The following NECAP1 variants were observed in gnomAD, a reference collection of about 807,000 sequenced individuals.
NECAP1 encodes the protein NECAP endocytosis associated 1.
NECAP1 carries 13 observed loss-of-function variants against 33.4 expected under a neutral mutation model. That is an observed-to-expected ratio of 0.39 (90% CI 0.25 to 0.62). NECAP1 has a LOEUF of 0.62. Ranked by LOEUF, NECAP1 falls within the 20% of genes least tolerant of loss-of-function variation. The pLI is 0.52. For missense variants in NECAP1, 272 were observed against 347.4 expected, an observed-to-expected ratio of 0.78 and a Z score of 1.73; for synonymous variants, 109 against 125.2, an observed-to-expected ratio of 0.87 and a Z score of 0.86.
At position 8,082,301 on chromosome 12, in the gene NECAP1, T is replaced by C. The variant is rs780897889; in HGVS notation, c.13T>C (p.Leu5=). Residue 5 remains leucine, a synonymous_variant, in exon 1 of 8, where the codon TTG becomes CTG. Transcript: ENST00000339754. MATE[L]EYESVLCVKP... ...CAGCGGACCCAAGATGGCGACCGAGTTGGAGTACGAGTCTGTGCTGTGTGT... is the reference window on the plus strand; with the variant it reads ...CAGCGGACCCAAGATGGCGACCGAGCTGGAGTACGAGTCTGTGCTGTGTGT... The C allele has an allele frequency of 4.3e-5, 68 of 1,596,240 alleles. 1 individual carries two copies. The highest frequency in any genetic ancestry group is 5.5e-5 in the Non-Finnish European group (64 of 1,165,226).
chr12:8,092,020 A>G (rs1565644826), intron 4 of NECAP1, 170 bp downstream of exon 4: 1 of 619,588 alleles, frequency 1.6e-6, no homozygotes, highest in Non-Finnish European at 2.8e-6. Flanking sequence ...CTTTGTATCT[A>G]TTCTGTTTCC....
chr12:8,082,369 C>T lies in NECAP1; in HGVS notation c.81C>T (p.Ser27=), dbSNP rs752649729. The change falls in exon 1 of 8, where the codon TCC becomes TCT. Residue 27 remains serine (S), a synonymous_variant. Coordinates refer to ENST00000339754, the MANE Select transcript of NECAP1 (RefSeq NM_015509.4). ...VSVYRIPPRA[S]NRGYRASDWK... is the part of the protein sequence containing the mutation. Reference sequence around the variant, plus strand: ...TCTACCGGATTCCGCCCCGGGCCTCCAACCGCGGTTACAGGTACTAACCCC... The same window carrying T: ...TCTACCGGATTCCGCCCCGGGCCTCTAACCGCGGTTACAGGTACTAACCCC... The T allele has an allele frequency of 1.2e-6, 2 of 1,613,736 alleles. No homozygotes were observed. Among genetic ancestry groups the T allele is most frequent in the Non-Finnish European group, 1.7e-6 (2 of 1,179,664 alleles).
intron 4 of NECAP1, 168 bp from the exon 5 acceptor site, chr12:8,092,508 C>T (rs1032629723): frequency 8.8e-6 from 5 of 571,144 alleles, no homozygotes; most frequent in Non-Finnish European, 1.5e-5. Flanking sequence ...GGAATTGAAC[C>T]CCAGTTGTTT....
chr12:8,089,750 T>C (rs1947524950), intron 1 of NECAP1, 186 bp from the exon 2 acceptor site: 1 of 562,246 alleles, frequency 1.8e-6, no homozygotes, highest in African/African-American at 1.9e-5. Flanking sequence ...AGTAGCATTG[T>C]CTTTTACTTG....
chr12:8,089,723 C>G (rs1276599032), intron 1 of NECAP1: 1 of 518,058 alleles, frequency 1.9e-6, no homozygotes, highest in Non-Finnish European at 3.4e-6. Context: ...GCTTATTGGA[C>G]TCCAAAGTCC....
In NECAP1 at chr12:8,090,048, G is replaced by A. The variant is rs371530521; in HGVS notation, c.196+12G>A. ...GGATAAAGTTTCAGGTAATCTTTGC[G>A]GGTGACCCTCTAACATTAAGAATAT... On this transcript the variant is annotated intron_variant, in intron 2 of 7. Coordinates refer to ENST00000339754, the MANE Select transcript of NECAP1 (RefSeq NM_015509.4). 7.7e-5 allele frequency: 124 copies of A among 1,606,094 alleles called. No homozygotes were observed. Among genetic ancestry groups the A allele is most frequent in the Non-Finnish European group, 9.2e-5 (108 of 1,172,936 alleles).
intron 1 of NECAP1, chr12:8,082,734 C>A: frequency 3.9e-6 from 1 of 253,516 alleles, no homozygotes; most frequent in Non-Finnish European, 8.0e-6. Flanking sequence ...TCCCTGCGTC[C>A]TTCAGCTTAT....
In NECAP1 at chr12:8,083,311, C is replaced by T. The variant is rs187923720; in HGVS notation, c.95+928C>T. Among the ~76,000 whole-genome samples the T allele has an allele frequency of 2.0e-4, 30 of 150,880 alleles. 1 individual carries two copies. In the East Asian group the frequency reaches 4.7e-3, roughly 23 times the overall value. ...ACCTGTTAGTGATGATACCTGCGCT[C>T]TTATAATGTGCTTAACAAGGGTTTT... On this transcript the variant is annotated intron_variant, in intron 1 of 7. Coordinates refer to ENST00000339754, the MANE Select transcript of NECAP1 (RefSeq NM_015509.4).
chr12:8,089,858 G>T, intron 1 of NECAP1, 78 bp from the exon 2 acceptor site: 1 of 1,055,158 alleles, frequency 9.5e-7, no homozygotes. Context: ...TAGGGAAATA[G>T]AAATACAGTC....
intron 3 of NECAP1, 153 bp from the exon 4 acceptor site, chr12:8,091,616 C>T (rs1947544725): frequency 3.2e-6 from 2 of 634,068 alleles, no homozygotes; most frequent in Non-Finnish European, 5.6e-6. Context: ...TGACGGGGAG[C>T]GGCTGTAAAT....
chr12:8,086,597 G>A (rs1054720012), intron 1 of NECAP1, among the ~76,000 whole-genome samples: 2 of 152,046 alleles, frequency 1.3e-5, no homozygotes. Flanking sequence ...CTAGGCGACA[G>A]AGCAGGACTG....
At chr12:8,095,099 T>C in intron 6 of NECAP1, among the ~76,000 whole-genome samples, 1 of 152,220 alleles carries the variant, frequency 6.6e-6, no homozygotes, top group East Asian at 1.9e-4. Flanking sequence ...TATTCCATGG[T>C]ATGGATATAC....
chr12:8,086,366 A>G (rs1451697447), intron 1 of NECAP1, among the ~76,000 whole-genome samples: 4 of 152,126 alleles, frequency 2.6e-5, no homozygotes. Context: ...TAATCCCAGG[A>G]CTTTGGGAGG....
rs763392826 is a variant in NECAP1, at chr12:8,089,964, G to C, written c.124G>C (p.Asp42His). 4 of 1,614,044 alleles carry C rather than the reference G, an allele frequency of 2.5e-6. No individual in the cohort carries two copies. The highest frequency in any genetic ancestry group is 2.7e-5 in the African/African-American group (2 of 74,928). The change falls in exon 2 of 8, where the codon GAT becomes CAT. Residue 42 changes from aspartate to histidine, a missense_variant. Coordinates refer to ENST00000339754, the MANE Select transcript of NECAP1 (RefSeq NM_015509.4). ...CTCTGACTGGAAATTAGACCAGCCT[G>C]ATTGGACTGGTCGCCTCCGAATCAC... ...RASDWKLDQP[D>H]WTGRLRITSK...
At chr12:8,082,536 C>T (rs1013527720) in intron 1 of NECAP1, among the ~76,000 whole-genome samples, 153 bp downstream of exon 1, 1 of 152,048 alleles carries the variant, frequency 6.6e-6, no homozygotes, top group African/African-American at 2.4e-5. Flanking sequence ...TGACCACCTG[C>T]TCCATCTCCA....
intron 6 of NECAP1, among the ~76,000 whole-genome samples, chr12:8,094,266 G>A (rs1295521189): frequency 2.0e-5 from 3 of 152,116 alleles, no homozygotes; most frequent in African/African-American, 7.2e-5. Context: ...TTAACATGCA[G>A]TTGTAAGAAA....
At chr12:8,083,451 A>C (rs1276244124) in intron 1 of NECAP1, among the ~76,000 whole-genome samples, 1 of 68,994 alleles carries the variant, frequency 1.4e-5, no homozygotes, top group Non-Finnish European at 2.7e-5. Context: ...TTTTTTTGAG[A>C]TGTAGTCTCA....
chr12:8,091,649 T>C (rs1159304547), intron 3 of NECAP1, 120 bp from the exon 4 acceptor site: 2 of 789,306 alleles, frequency 2.5e-6, no homozygotes, highest in African/African-American at 3.4e-5. Flanking sequence ...TGCTCTCTCG[T>C]GTGCAACTCA....
chr12:8,096,068 C>T lies in NECAP1; in HGVS notation c.806C>T (p.Pro269Leu). Reference sequence around the variant, plus strand: ...TCTGTTCCAAACCAGGCACCACAGCCATCCAACTGGGTCCAGTTCTGAATG... The same window carrying T: ...TCTGTTCCAAACCAGGCACCACAGCTATCCAACTGGGTCCAGTTCTGAATG... ...SSSVPNQAPQPSNWVQF is the reference protein window; with the variant it reads ...SSSVPNQAPQLSNWVQF The change falls in exon 8 of 8, where the codon CCA becomes CTA. Residue 269 changes from proline (P) to leucine (L), a missense_variant. Pro to Leu is a moderately conservative substitution (Grantham distance 98, BLOSUM62 -3). Coordinates refer to ENST00000339754, the MANE Select transcript of NECAP1 (RefSeq NM_015509.4). The T allele has an allele frequency of 6.2e-7, 1 of 1,614,154 alleles. No homozygotes were observed. Among genetic ancestry groups the T allele is most frequent in the Non-Finnish European group, 8.5e-7 (1 of 1,180,006 alleles).
Sources: allele counts gnomAD v4.1 joint callset (sites outside exome capture counted in the v4.1 genomes callset), GRCh38; gene constraint gnomAD v4.1.1; transcripts MANE v1.5; gene names NCBI Gene and HGNC (gene_info 2026-07-23, HGNC 2026-07-21).